Variants in MYOM2 observed in about 807,000 individuals in gnomAD.
The protein encoded by MYOM2 is myomesin 2.
In MYOM2, 254 loss-of-function variants were observed where a neutral mutation model predicts 187.6. The ratio of observed to expected loss-of-function variants is 1.35; its 90% CI spans 1.22 to 1.50. The LOEUF is 1.50. Among genes scored for constraint, MYOM2 ranks in the 40% most tolerant of loss-of-function variants. MYOM2 has a pLI of 0.00. For synonymous variants in MYOM2, 981 were observed against 753.8 expected, an observed-to-expected ratio of 1.30 and a Z score of -4.94; for missense variants, 2,796 against 1,924.0, an observed-to-expected ratio of 1.45 and a Z score of -8.48.
At position 2,100,858 on chromosome 8, in the gene MYOM2, T is replaced by G. The variant is rs1796682605; in HGVS notation, c.2441-18T>G. The G allele has an allele frequency of 1.2e-6, 2 of 1,613,380 alleles. No individual in the cohort carries two copies. The highest frequency in any genetic ancestry group is 1.7e-6 in the Non-Finnish European group (2 of 1,179,694). Reference sequence around the variant, plus strand: ...ACTGGCTATGCGCGCAGAAACAAGGTGGCATCTGACTTCACAGGTCCTGCC... The same window carrying G: ...ACTGGCTATGCGCGCAGAAACAAGGGGGCATCTGACTTCACAGGTCCTGCC... On this transcript the variant is annotated intron_variant, in intron 19 of 36. Coordinates refer to ENST00000262113, the MANE Select transcript of MYOM2 (RefSeq NM_003970.4).
At chr8:2,124,860 TC>T (rs1396171523) in intron 31 of MYOM2, among the ~76,000 whole-genome samples, 1 of 152,224 alleles carries the variant, frequency 6.6e-6, no homozygotes. Context: ...TCAGTATTTT[TC>T]AAGTATCTGT....
At chr8:2,084,875 G>A (rs1033680944) in intron 13 of MYOM2, 2 of 173,736 alleles carry the variant, frequency 1.2e-5, no homozygotes, top group South Asian at 1.6e-4. Context: ...CTCCATCCGC[G>A]GTGCTTCTGT....
chr8:2,065,353 G>A (rs1392622475), intron 6 of MYOM2, among the ~76,000 whole-genome samples: 1 of 152,116 alleles, frequency 6.6e-6, no homozygotes, highest in Non-Finnish European at 1.5e-5. Context: ...GGTGAATCAC[G>A]AGGTCAGGAG....
At chr8:2,062,645 G>T (rs182757799) in intron 6 of MYOM2, among the ~76,000 whole-genome samples, 1 of 152,242 alleles carries the variant, frequency 6.6e-6, no homozygotes, top group Non-Finnish European at 1.5e-5. Context: ...ATTTCCGAAA[G>T]TTGTGGGAGT....
At chr8:2,089,751 G>T (rs1255836464) in intron 14 of MYOM2, among the ~76,000 whole-genome samples, 1 of 152,040 alleles carries the variant, frequency 6.6e-6, no homozygotes, top group Non-Finnish European at 1.5e-5. Context: ...GTTTTCTATG[G>T]TTTAATTATT....
At chr8:2,058,951 C>T (rs1252984270) in intron 5 of MYOM2, among the ~76,000 whole-genome samples, 2 of 152,208 alleles carry the variant, frequency 1.3e-5, no homozygotes, top group Admixed American at 6.5e-5. Flanking sequence ...AGAGTCTGAA[C>T]GAGGAAAGCG....
At position 2,090,141 on chromosome 8, in the gene MYOM2, T is replaced by C. The variant is rs1395568165; in HGVS notation, c.1778T>C (p.Leu593Pro). ...FRVLSANRHGLSEPSEITSPI... is the reference protein window; with the variant it reads ...FRVLSANRHGPSEPSEITSPI... ...GTGCTGTCAGCAAACCGGCATGGCCTGAGCGAACCTTCGGAGATAACGTCC... is the reference window on the plus strand; with the variant it reads ...GTGCTGTCAGCAAACCGGCATGGCCCGAGCGAACCTTCGGAGATAACGTCC... The change falls in exon 15 of 37, where the codon CTG (leucine) becomes CCG (proline). Residue 593 changes from leucine (L) to proline (P), a missense_variant. Leu to Pro is a moderately conservative substitution (Grantham distance 98). Transcript: ENST00000262113. The C allele has an allele frequency of 6.2e-7, 1 of 1,614,032 alleles. No individual in the cohort carries two copies. The highest frequency in any genetic ancestry group is 8.5e-7 in the Non-Finnish European group (1 of 1,179,944).
Position 2,069,292 on chromosome 8 carries a change from A to C in MYOM2, c.668A>C (p.Asp223Ala). The C allele has an allele frequency of 6.2e-7, 1 of 1,612,056 alleles. No homozygotes were observed. Among genetic ancestry groups the C allele is most frequent in the Non-Finnish European group, 8.5e-7 (1 of 1,178,952 alleles). The stretch of plus-strand genomic sequence containing the variant: ...TTCTCTCCAAGGGCAGACTTTGACG[A>C]CACTGCGACATACTCAGCAGTGGCC... ...TLEINRADFD[D>A]TATYSAVATN... The change falls in exon 7 of 37, where the codon GAC becomes GCC. Residue 223 changes from aspartate (D) to alanine (A), a missense_variant. By Grantham distance (126) the Asp-to-Ala change is moderately radical. Transcript: ENST00000262113.
At chr8:2,142,696 TC>T (rs1798314899) in intron 35 of MYOM2, among the ~76,000 whole-genome samples, 1 of 30,222 alleles carries the variant, frequency 3.3e-5, no homozygotes, top group Admixed American at 3.8e-4. Flanking sequence ...CCTTCCTCCC[TC>T]CCCTCCCCTT....
At chr8:2,109,068 A>G (rs1216992480) in intron 24 of MYOM2, among the ~76,000 whole-genome samples, 1 of 152,218 alleles carries the variant, frequency 6.6e-6, no homozygotes, top group Non-Finnish European at 1.5e-5. Context: ...AGCTGTTGCT[A>G]ATCCGAGTGA....
chr8:2,074,505 A>G (rs1819347063), intron 10 of MYOM2, among the ~76,000 whole-genome samples: 1 of 151,866 alleles, frequency 6.6e-6, no homozygotes, highest in African/African-American at 2.4e-5. Flanking sequence ...CCCAGGCTGG[A>G]GTGCAGTGGC....
intron 6 of MYOM2, 140 bp downstream of exon 6, chr8:2,059,385 A>C (rs1818778181): frequency 1.5e-6 from 1 of 651,614 alleles, no homozygotes; most frequent in Admixed American, 2.9e-5. Context: ...AGCATTTATG[A>C]GTTAATGGTA....
chr8:2,119,634 GC>G lies in MYOM2; in HGVS notation c.3453+1683del, dbSNP rs569934736. 5.9e-5 allele frequency among the ~76,000 whole-genome samples: 9 copies of G among 152,292 alleles called. No homozygotes were observed. In the South Asian group the frequency reaches 1.9e-3, roughly 32 times the overall value. ...GCAGGAGCCCGCTGCCCTCTGAGGTGCTCAGCTGGCAGTGAGGGAGAGCGAG... is the reference window on the plus strand; with the variant it reads ...GCAGGAGCCCGCTGCCCTCTGAGGTGTCAGCTGGCAGTGAGGGAGAGCGAG... On this transcript the variant is annotated intron_variant, in intron 28 of 36. Transcript: ENST00000262113.
intron 14 of MYOM2, 126 bp downstream of exon 14, chr8:2,085,516 C>CCCCTCACTGTCGTGATCTCTGTGTGG (rs1819812215): frequency 1.5e-6 from 1 of 648,996 alleles, no homozygotes; most frequent in Non-Finnish European, 2.3e-6. Context: ...CTCCGCGTGG[C>CCCCTCACTGTCGTGATCTCTGTGTGG]CCCCCACTGT....
At chr8:2,125,562 A>G (rs1797605461) in intron 31 of MYOM2, among the ~76,000 whole-genome samples, 1 of 147,438 alleles carries the variant, frequency 6.8e-6, no homozygotes, top group Non-Finnish European at 1.5e-5. Flanking sequence ...TTAGGCTATT[A>G]GAGGCTTTCC....
chr8:2,096,119 G>T (rs1303553609), intron 17 of MYOM2, 128 bp from the exon 18 acceptor site: 2 of 816,178 alleles, frequency 2.5e-6, no homozygotes, highest in Non-Finnish European at 4.0e-6. Context: ...AGAGGGATCA[G>T]AGGGCACAGT....
chr8:2,093,798 G>A (rs1796387427), intron 16 of MYOM2, among the ~76,000 whole-genome samples, 172 bp from the exon 17 acceptor site: 1 of 152,224 alleles, frequency 6.6e-6, no homozygotes, highest in African/African-American at 2.4e-5. Flanking sequence ...ATTAGGTGCT[G>A]TGACCTTACT....
chr8:2,076,094 C>G, intron 10 of MYOM2, 47 bp from the exon 11 acceptor site: 1 of 1,575,976 alleles, frequency 6.3e-7, no homozygotes, highest in South Asian at 1.2e-5. Context: ...TGCAGTGACC[C>G]CAGCCTTTAA....
chr8:2,139,308 A>AT (rs1444268887), intron 32 of MYOM2, among the ~76,000 whole-genome samples: 4 of 151,076 alleles, frequency 2.6e-5, no homozygotes, highest in South Asian at 2.1e-4. Flanking sequence ...CACCCGGCTA[A>AT]TTTTTTTATT....
Sources: gnomAD v4.1 joint callset for allele counts (sites outside exome capture counted in the v4.1 genomes callset) on GRCh38, gnomAD v4.1.1 for gene constraint, MANE v1.5 for transcripts, NCBI Gene and HGNC (gene_info 2026-07-23, HGNC 2026-07-21) for gene names.